The following UBR3 variants were observed in gnomAD, a reference collection of about 807,000 sequenced individuals.
The protein encoded by UBR3 is E3 ubiquitin-protein ligase UBR3.
A neutral mutation model predicts 243.2 loss-of-function variants in UBR3; 85 were observed. The observed-to-expected ratio is 0.35, with a 90% CI of 0.29 to 0.42. The LOEUF (loss-of-function observed/expected upper bound fraction) is 0.42. UBR3 is among the 10% of genes least tolerant of loss of function. The pLI is 1.00. For missense variants in UBR3, 1,686 were observed against 2,300.8 expected (o/e 0.73, Z 5.47); for synonymous variants, 748 against 799.8 (o/e 0.94, Z 1.09).
chr2:170,029,508 T>G lies in UBR3; in HGVS notation c.4556+60T>G, dbSNP rs1241874294. On this transcript the variant is annotated intron_variant, in intron 31 of 38. Coordinates refer to ENST00000272793, the MANE Select transcript of UBR3 (RefSeq NM_172070.4). ...CTCTTTATGAAAAACAGGTGTTAAATATAAAAATGGAATTGAAATTTCAAT... is the reference window on the plus strand; with the variant it reads ...CTCTTTATGAAAAACAGGTGTTAAAGATAAAAATGGAATTGAAATTTCAAT... 6.1e-6 allele frequency: 8 copies of G among 1,321,570 alleles called. No individual in the cohort carries two copies. In the Admixed American group the frequency reaches 1.6e-4, roughly 26 times the overall value. The allele number at this position is 1,321,570 out of a possible 1,614,324, so 81.9% of individuals were successfully genotyped here.
chr2:169,921,752 G>A (rs1385401734), intron 11 of UBR3, among the ~76,000 whole-genome samples: 1 of 152,180 alleles, frequency 6.6e-6, no homozygotes, highest in Non-Finnish European at 1.5e-5. Flanking sequence ...AGCACTTTGG[G>A]AGGCCGAGGC....
chr2:169,857,992 A>G (rs747628111), intron 1 of UBR3, among the ~76,000 whole-genome samples: 1 of 152,224 alleles, frequency 6.6e-6, no homozygotes, highest in Non-Finnish European at 1.5e-5. Flanking sequence ...GTTATTGTCA[A>G]TTAGCTCTAG....
At chr2:170,079,590 A>G (rs1360889046) in intron 36 of UBR3, among the ~76,000 whole-genome samples, 2 of 152,336 alleles carry the variant, frequency 1.3e-5, no homozygotes, top group East Asian at 3.9e-4. Context: ...AATCTAAAAA[A>G]TTAAATCATA....
chr2:169,912,746 G>T (rs1351967217), intron 10 of UBR3, among the ~76,000 whole-genome samples: 1 of 151,620 alleles, frequency 6.6e-6, no homozygotes, highest in Non-Finnish European at 1.5e-5. Flanking sequence ...TGGTCTTATG[G>T]TAACTCTATA....
chr2:170,028,038 T>C (rs1481296478), intron 30 of UBR3, among the ~76,000 whole-genome samples: 1 of 151,884 alleles, frequency 6.6e-6, no homozygotes, highest in Non-Finnish European at 1.5e-5. Context: ...AAGTCAGTAA[T>C]AGAATGAAGA....
intron 29 of UBR3, among the ~76,000 whole-genome samples, chr2:170,013,593 G>A (rs376488451): frequency 4.7e-4 from 71 of 151,932 alleles, no homozygotes; most frequent in African/African-American, 1.6e-3. Flanking sequence ...AGTTTTTTTC[G>A]AGAATTCTTT....
chr2:169,920,910 CA>C (rs2085672327), intron 11 of UBR3, among the ~76,000 whole-genome samples: 1 of 152,066 alleles, frequency 6.6e-6, no homozygotes. Context: ...GCTAGGCAGA[CA>C]CCACAAAAGG....
At chr2:169,838,823 C>T (rs187451772) in intron 1 of UBR3, among the ~76,000 whole-genome samples, 275 of 151,880 alleles carry the variant, frequency 1.8e-3, no homozygotes, top group African/African-American at 6.3e-3. Context: ...CTCAAAGATA[C>T]GCTTCATCCT....
intron 1 of UBR3, among the ~76,000 whole-genome samples, chr2:169,845,528 GTCGTCT>G (rs1236502472): frequency 0.061 from 6,593 of 107,578 alleles, 271 homozygotes; most frequent in African/African-American, 0.14. Flanking sequence ...CGTCGTCGTC[GTCGTCT>G]TCTTCTTCTT....
chr2:170,050,083 C>A (rs1559217929), intron 32 of UBR3, among the ~76,000 whole-genome samples: 1 of 152,154 alleles, frequency 6.6e-6, no homozygotes, highest in South Asian at 2.1e-4. Context: ...GCATTTACTA[C>A]CCTATTAGTT....
chr2:170,082,014 A>ATT lies in UBR3; in HGVS notation c.*182_*183dup. ...GCTTGGTAATCACGTTAATGGTATAATTTTTTTTTTTTAATATCTGGAGAA... is the reference window on the plus strand; with the variant it reads ...GCTTGGTAATCACGTTAATGGTATAATTTTTTTTTTTTTTAATATCTGGAGAA... On this transcript the variant is annotated 3_prime_UTR_variant, in exon 39 of 39. Coordinates refer to ENST00000272793, the MANE Select transcript of UBR3 (RefSeq NM_172070.4). The ATT allele has an allele frequency of 1.0e-4, 37 of 354,438 alleles. No homozygotes were observed. Among genetic ancestry groups the ATT allele is most frequent in the Middle Eastern group, 7.1e-4 (1 of 1,400 alleles). The allele number at this position is 354,438 out of a possible 1,614,324, so 22.0% of individuals were successfully genotyped here.
chr2:169,898,690 A>G (rs2084688211), intron 8 of UBR3, among the ~76,000 whole-genome samples: 3 of 134,412 alleles, frequency 2.2e-5, no homozygotes, highest in African/African-American at 5.6e-5. Context: ...TTTTTTAAAG[A>G]TGGAGTTTCA....
intron 27 of UBR3, among the ~76,000 whole-genome samples, chr2:170,006,572 A>G (rs1005270566): frequency 6.6e-6 from 1 of 152,226 alleles, no homozygotes; most frequent in Non-Finnish European, 1.5e-5. Flanking sequence ...TTTATCCTAG[A>G]TCAAAGAACA....
At chr2:169,872,529 TA>T (rs1330812999) in intron 2 of UBR3, among the ~76,000 whole-genome samples, 154 bp downstream of exon 2, 1 of 152,146 alleles carries the variant, frequency 6.6e-6, no homozygotes, top group Non-Finnish European at 1.5e-5. Context: ...AGAAACACAC[TA>T]AAAATTAATT....
chr2:170,040,724 T>C (rs954849014), intron 31 of UBR3, among the ~76,000 whole-genome samples, 158 bp from the exon 32 acceptor site: 6 of 152,098 alleles, frequency 3.9e-5, no homozygotes, highest in Admixed American at 1.3e-4. Context: ...AAATGTAATT[T>C]TTTTGCAAAA....
In UBR3 at chr2:169,962,044, G is replaced by T. The variant is rs564451815; in HGVS notation, c.3634+3518G>T. ...ATATTAGGTAATGAAAGACGTTGTGGCTTCTGTCTTTGTTACTTTTTCTCT... is the reference window on the plus strand; with the variant it reads ...ATATTAGGTAATGAAAGACGTTGTGTCTTCTGTCTTTGTTACTTTTTCTCT... On this transcript the variant is annotated intron_variant, in intron 24 of 38. Coordinates refer to ENST00000272793, the MANE Select transcript of UBR3 (RefSeq NM_172070.4). Among the ~76,000 whole-genome samples, 5 of 151,984 alleles carry T rather than the reference G, an allele frequency of 3.3e-5. No homozygotes were observed. The South Asian group carries it at 1.0e-3, about 32-fold the overall frequency.
rs12468455 is a variant in UBR3, at chr2:169,890,555, A to G, written c.1039-610A>G. Among the ~76,000 whole-genome samples the G allele has an allele frequency of 3.9e-3, 277 of 71,296 alleles. 5 individuals are homozygous for G. The highest frequency in any genetic ancestry group is 6.9e-3 in the Middle Eastern group (1 of 144). The allele number at this position is 71,296 out of a possible 152,430, so 46.8% of individuals were successfully genotyped here. The stretch of plus-strand genomic sequence containing the variant: ...GAGAGAGAGAGATATATATATATAT[A>G]TATATATATGTGTATATATATATAT... On this transcript the variant is annotated intron_variant, in intron 5 of 38. Coordinates refer to ENST00000272793, the MANE Select transcript of UBR3 (RefSeq NM_172070.4).
intron 32 of UBR3, among the ~76,000 whole-genome samples, chr2:170,055,156 G>A (rs7576667): frequency 0.11 from 16,072 of 152,118 alleles, 1,124 homozygotes; most frequent in Admixed American, 0.19. Flanking sequence ...AGCTAATCAG[G>A]CGTAGTGGCA....
chr2:170,021,052 G>A (rs2090377580), intron 30 of UBR3, among the ~76,000 whole-genome samples: 1 of 151,980 alleles, frequency 6.6e-6, no homozygotes, highest in Admixed American at 6.6e-5. Context: ...TTTAAAGGAT[G>A]GTGATATTAA....
Sources: allele counts gnomAD v4.1 joint callset (sites outside exome capture counted in the v4.1 genomes callset), GRCh38; gene constraint gnomAD v4.1.1; transcripts MANE v1.5; gene names NCBI Gene and HGNC (gene_info 2026-07-23, HGNC 2026-07-21).